Variants in ADAMTSL1 observed in about 807,000 individuals in gnomAD.
ADAMTSL1 encodes the protein ADAMTS-like protein 1.
ADAMTSL1 carries 126 observed loss-of-function variants against 201.8 expected under a neutral mutation model. The ratio of observed to expected loss-of-function variants is 0.62; its 90% confidence interval spans 0.54 to 0.72. ADAMTSL1 has a LOEUF of 0.72. Ranked by LOEUF, ADAMTSL1 falls within the 30% of genes least tolerant of loss-of-function variation. The pLI is 0.00. For synonymous variants in ADAMTSL1, 1,121 were observed against 903.4 expected (o/e 1.24, Z -4.32); for missense variants, 2,679 against 2,277.8 (o/e 1.18, Z -3.59).
intron 4 of ADAMTSL1, among the ~76,000 whole-genome samples, chr9:18,592,245 GCTGTT>G (rs1429597102): frequency 4.6e-5 from 7 of 152,108 alleles, no homozygotes; most frequent in African/African-American, 7.2e-5. Flanking sequence ...AAACCACTGA[GCTGTT>G]CTTCATTGCT....
chr9:18,213,802 C>A (rs139884923), intron 2 of ADAMTSL1, among the ~76,000 whole-genome samples: 2 of 152,150 alleles, frequency 1.3e-5, no homozygotes, highest in Non-Finnish European at 1.5e-5. Flanking sequence ...TGCAGTGGTG[C>A]GATCTCGGTT....
In ADAMTSL1 at chr9:17,927,057, C is replaced by T. The variant is rs7847223; in HGVS notation, c.87+20135C>T. 3.3e-3 allele frequency among the ~76,000 whole-genome samples: 508 copies of T among 152,264 alleles called. 5 individuals carry two copies. Among genetic ancestry groups the T allele is most frequent in the African/African-American group, 0.011 (473 of 41,550 alleles). On this transcript the variant is annotated intron_variant, in intron 1 of 29. Transcript: ENST00000680146. ...AAGTCTATAGCCACGAACAACTCCT[C>T]GTTCTTTTCTTCCCCTATCCCCTGG...
chr9:18,315,937 A>C (rs1174439830), intron 2 of ADAMTSL1, among the ~76,000 whole-genome samples: 2 of 152,214 alleles, frequency 1.3e-5, no homozygotes, highest in Non-Finnish European at 2.9e-5. Flanking sequence ...CCCGATATTC[A>C]TGTAGGTTCT....
intron 2 of ADAMTSL1, among the ~76,000 whole-genome samples, chr9:18,216,573 G>A (rs1830062569): frequency 6.6e-6 from 1 of 151,880 alleles, no homozygotes; most frequent in Non-Finnish European, 1.5e-5. Flanking sequence ...TAAAGCCAAG[G>A]CAGTGGAGCC....
intron 2 of ADAMTSL1, among the ~76,000 whole-genome samples, chr9:18,234,905 A>G (rs1830780377): frequency 6.6e-6 from 1 of 152,150 alleles, no homozygotes; most frequent in Non-Finnish European, 1.5e-5. Flanking sequence ...TTTACTATAG[A>G]ATAGTTTTAG....
At chr9:18,549,207 G>C (rs533782794) in intron 3 of ADAMTSL1, among the ~76,000 whole-genome samples, 55 of 152,004 alleles carry the variant, frequency 3.6e-4, no homozygotes, top group African/African-American at 1.3e-3. Flanking sequence ...TAGGATAAGG[G>C]GGAAATAGTA....
At chr9:18,638,345 C>G (rs1827229633) in intron 6 of ADAMTSL1, among the ~76,000 whole-genome samples, 1 of 152,108 alleles carries the variant, frequency 6.6e-6, no homozygotes, top group Non-Finnish European at 1.5e-5. Flanking sequence ...TCCAAGCACT[C>G]CATTTTTCTG....
chr9:17,906,662 C>T (rs1472704214), exon 1 of ADAMTSL1: 1 of 152,350 alleles, frequency 6.6e-6, no homozygotes, highest in African/African-American at 2.4e-5. Context: ...CGCGGCCGCA[C>T]TGAAGCTCCA....
At chr9:18,289,274 T>G (rs1336571137) in intron 2 of ADAMTSL1, among the ~76,000 whole-genome samples, 1 of 152,120 alleles carries the variant, frequency 6.6e-6, no homozygotes, top group Non-Finnish European at 1.5e-5. Flanking sequence ...GTTTCTGCAC[T>G]TGGCAAGTTG....
At chr9:18,133,701 C>T (rs1186379486) in intron 1 of ADAMTSL1, among the ~76,000 whole-genome samples, 1 of 152,112 alleles carries the variant, frequency 6.6e-6, no homozygotes, top group African/African-American at 2.4e-5. Flanking sequence ...AAATTCTGAA[C>T]CCAGAGTTCT....
At chr9:18,764,031 G>T (rs1194135507) in intron 16 of ADAMTSL1, among the ~76,000 whole-genome samples, 1 of 152,158 alleles carries the variant, frequency 6.6e-6, no homozygotes, top group Admixed American at 6.6e-5. Flanking sequence ...TTTCTGTGAA[G>T]AATGCTTTTG....
At chr9:18,468,232 AAAG>A (rs1447444662) in intron 2 of ADAMTSL1, among the ~76,000 whole-genome samples, 6 of 152,182 alleles carry the variant, frequency 3.9e-5, no homozygotes, top group Non-Finnish European at 7.4e-5. Context: ...AATGTAGAAA[AAAG>A]AAGATCAAGG....
intron 1 of ADAMTSL1, among the ~76,000 whole-genome samples, chr9:18,060,205 C>T (rs1182083017): frequency 6.6e-6 from 1 of 152,154 alleles, no homozygotes; most frequent in Non-Finnish European, 1.5e-5. Flanking sequence ...GGCAGCATAT[C>T]ATATACCCTA....
At chr9:18,845,395 TCATTGTGC>T (rs1826040860) in intron 23 of ADAMTSL1, among the ~76,000 whole-genome samples, 1 of 152,210 alleles carries the variant, frequency 6.6e-6, no homozygotes, top group Non-Finnish European at 1.5e-5. Context: ...ATGAAAGAAT[TCATTGTGC>T]CTGGTGCTTC....
intron 2 of ADAMTSL1, among the ~76,000 whole-genome samples, chr9:18,218,006 T>C (rs1484814110): frequency 1.3e-5 from 2 of 152,144 alleles, no homozygotes; most frequent in Non-Finnish European, 2.9e-5. Context: ...CAGCTATTAA[T>C]CTGTTAATAT....
intron 1 of ADAMTSL1, among the ~76,000 whole-genome samples, chr9:18,016,883 T>A (rs1820280907): frequency 1.3e-5 from 2 of 152,016 alleles, no homozygotes; most frequent in Admixed American, 6.6e-5. Flanking sequence ...AATTTGTGAC[T>A]CAAATCATAA....
chr9:18,737,210 T>G (rs1331660151), intron 15 of ADAMTSL1, among the ~76,000 whole-genome samples: 2 of 149,606 alleles, frequency 1.3e-5, no homozygotes, highest in Non-Finnish European at 2.9e-5. Context: ...TCCCAGCTAC[T>G]CGGGAGGCTG....
At chr9:18,509,962 ACCTT>A (rs1817934450) in intron 2 of ADAMTSL1, among the ~76,000 whole-genome samples, 1 of 152,190 alleles carries the variant, frequency 6.6e-6, no homozygotes, top group South Asian at 2.1e-4. Flanking sequence ...CACCTTATAT[ACCTT>A]CCCAATAGGG....
At chr9:18,039,012 A>G (rs1257057261) in intron 1 of ADAMTSL1, among the ~76,000 whole-genome samples, 1 of 152,228 alleles carries the variant, frequency 6.6e-6, no homozygotes, top group Non-Finnish European at 1.5e-5. Context: ...TAAAGAAAGC[A>G]CTAACCCAGA....
Sources: gnomAD v4.1 joint callset for allele counts (sites outside exome capture counted in the v4.1 genomes callset) on GRCh38, gnomAD v4.1.1 for gene constraint, MANE v1.5 for transcripts, NCBI Gene and HGNC (gene_info 2026-07-23, HGNC 2026-07-21) for gene names.